The following STARD13 variants were observed in gnomAD, a reference collection of about 807,000 sequenced individuals.
STARD13 encodes StAR related lipid transfer domain containing 13, also known as stAR-related lipid transfer protein 13.
STARD13 carries 62 observed loss-of-function variants against 106.4 expected under a neutral mutation model. The ratio of observed to expected loss-of-function variants is 0.58; its 90% CI spans 0.48 to 0.72. The LOEUF (loss-of-function observed/expected upper bound fraction) is 0.72. Ranked by LOEUF, STARD13 falls within the 30% of genes least tolerant of loss-of-function variation. The pLI is 0.00. For synonymous variants in STARD13, 565 were observed against 553.0 expected (o/e 1.02, Z -0.31); for missense variants, 1,387 against 1,424.0 (o/e 0.97, Z 0.42).
At chr13:33,603,719 A>G in the STARD13 span, among the ~76,000 whole-genome samples, 357 of 152,082 alleles carry the variant, frequency 2.3e-3, 6 homozygotes, top group African/African-American at 7.8e-3. Context: ...AGAAGTAAAC[A>G]CATTTTTGAA....
intron 1 of STARD13, among the ~76,000 whole-genome samples, chr13:33,291,075 A>G (rs1892274154): frequency 6.6e-6 from 1 of 152,214 alleles, no homozygotes; most frequent in African/African-American, 2.4e-5. Context: ...TGAATTTAGA[A>G]GGAATATTAA....
At chr13:33,424,343 G>C in the STARD13 span, among the ~76,000 whole-genome samples, 2 of 152,140 alleles carry the variant, frequency 1.3e-5, no homozygotes, top group African/African-American at 4.8e-5. Flanking sequence ...ATTTGGGCTG[G>C]TCTCAAAGAC....
At chr13:33,490,853 T>G in the STARD13 span, among the ~76,000 whole-genome samples, 1 of 152,206 alleles carries the variant, frequency 6.6e-6, no homozygotes, top group African/African-American at 2.4e-5. Context: ...TGAAAGAGCT[T>G]TGTAACACTG....
chr13:33,405,122 G>A, the STARD13 span, among the ~76,000 whole-genome samples: 1 of 152,054 alleles, frequency 6.6e-6, no homozygotes, highest in African/African-American at 2.4e-5. Context: ...AAATTCTGAC[G>A]CCCCTGTCCC....
the STARD13 span, among the ~76,000 whole-genome samples, chr13:33,539,281 T>G: frequency 6.6e-6 from 1 of 152,210 alleles, no homozygotes. Context: ...AGGAGATATA[T>G]GCCATGTTCA....
the STARD13 span, among the ~76,000 whole-genome samples, chr13:33,401,562 C>T: frequency 6.6e-6 from 1 of 152,208 alleles, no homozygotes; most frequent in Non-Finnish European, 1.5e-5. Context: ...GGCCGCACTT[C>T]CATTAGACTT....
At chr13:33,587,215 C>CAAAA in the STARD13 span, among the ~76,000 whole-genome samples, 381 of 96,776 alleles carry the variant, frequency 3.9e-3, 3 homozygotes, top group Middle Eastern at 0.018. Context: ...GACTCTGTCT[C>CAAAA]AAAAAAAAAA....
chr13:33,610,246 G>C, the STARD13 span, among the ~76,000 whole-genome samples: 286 of 152,184 alleles, frequency 1.9e-3, 3 homozygotes, highest in African/African-American at 6.4e-3. Flanking sequence ...ATTTAAGGAG[G>C]TTCACTCTGG....
chr13:33,593,176 AT>A, the STARD13 span, among the ~76,000 whole-genome samples: 1 of 151,854 alleles, frequency 6.6e-6, no homozygotes, highest in East Asian at 1.9e-4. Flanking sequence ...TTATTTATTT[AT>A]TTTTATTTTT....
chr13:33,311,099 A>T (rs1434640695), intron 1 of STARD13, among the ~76,000 whole-genome samples: 1 of 150,084 alleles, frequency 6.7e-6, no homozygotes, highest in Non-Finnish European at 1.5e-5. Flanking sequence ...TTTGAGACCC[A>T]CCTGGGCAAC....
At chr13:33,436,077 G>T in the STARD13 span, among the ~76,000 whole-genome samples, 1 of 152,164 alleles carries the variant, frequency 6.6e-6, no homozygotes, top group Admixed American at 6.5e-5. Context: ...CAATGAAGCT[G>T]AGAAGGTGGG....
intron 1 of STARD13, among the ~76,000 whole-genome samples, chr13:33,230,980 T>C (rs886174956): frequency 6.6e-6 from 1 of 152,224 alleles, no homozygotes; most frequent in Non-Finnish European, 1.5e-5. Flanking sequence ...GAGAAAATAA[T>C]ACTTATTTCC....
intron 1 of STARD13, among the ~76,000 whole-genome samples, chr13:33,247,699 T>C (rs895321761): frequency 6.6e-6 from 1 of 152,204 alleles, no homozygotes; most frequent in Non-Finnish European, 1.5e-5. Context: ...GTTATATATG[T>C]ATATGAATGG....
the STARD13 span, among the ~76,000 whole-genome samples, chr13:33,526,432 GA>G: frequency 6.6e-6 from 1 of 152,066 alleles, no homozygotes; most frequent in African/African-American, 2.4e-5. Flanking sequence ...GAAACAGGGT[GA>G]ACACTCAATA....
intron 1 of STARD13, among the ~76,000 whole-genome samples, chr13:33,262,916 C>G (rs746779441): frequency 2.6e-5 from 4 of 152,126 alleles, no homozygotes; most frequent in Non-Finnish European, 4.4e-5. Flanking sequence ...AGAATACCCA[C>G]TCCCCACTCC....
At chr13:33,555,539 T>C in the STARD13 span, among the ~76,000 whole-genome samples, 1 of 152,222 alleles carries the variant, frequency 6.6e-6, no homozygotes, top group African/African-American at 2.4e-5. Context: ...TAAGTTCTAA[T>C]GCTATTCTCT....
intron 1 of STARD13, among the ~76,000 whole-genome samples, chr13:33,325,069 C>T (rs2138540208): frequency 6.6e-6 from 1 of 152,048 alleles, no homozygotes; most frequent in African/African-American, 2.4e-5. Flanking sequence ...TATAAATAAT[C>T]TTTTGAGGAC....
At chr13:33,147,746 G>A (rs1304864618) in intron 3 of STARD13, among the ~76,000 whole-genome samples, 1 of 152,110 alleles carries the variant, frequency 6.6e-6, no homozygotes, top group African/African-American at 2.4e-5. Context: ...ATATGAAGGA[G>A]CAAAAGACTC....
In STARD13 at chr13:33,172,490, A is replaced by G. The variant is rs542581431; in HGVS notation, c.170-4868T>C. Among the ~76,000 whole-genome samples the G allele has an allele frequency of 2.6e-5, 4 of 152,316 alleles. No individual in the cohort carries two copies. The South Asian group carries it at 6.2e-4, about 24-fold the overall frequency. On this transcript the variant is annotated intron_variant, in intron 1 of 13. Coordinates refer to ENST00000336934, the MANE Select transcript of STARD13 (RefSeq NM_178006.4). ...AGACAGTCTGTGGACAAGGCTCTGT[A>G]GGACCTCAGGCAAGTCAGGAAACAT...
Sources: gnomAD v4.1 joint callset for allele counts (sites outside exome capture counted in the v4.1 genomes callset) on GRCh38, gnomAD v4.1.1 for gene constraint, MANE v1.5 for transcripts, NCBI Gene and HGNC (gene_info 2026-07-23, HGNC 2026-07-21) for gene names.